Variants in TNS1 observed in about 807,000 individuals in gnomAD.
TNS1 encodes tensin 1, also known as tensin-1.
Under a neutral mutation model 168.6 loss-of-function variants are expected in TNS1, and 62 were observed. That is an observed-to-expected ratio of 0.37 (90% CI 0.30 to 0.45). The LOEUF (loss-of-function observed/expected upper bound fraction) is 0.45, where lower values mean the gene tolerates loss of function less well. Among genes scored for constraint, TNS1 ranks in the 20% least tolerant of loss-of-function variants. The pLI is 1.00. For synonymous variants in TNS1, 934 were observed against 933.2 expected (o/e 1.00, Z -0.02); for missense variants, 2,240 against 2,339.4 (o/e 0.96, Z 0.88).
chr2:217,992,361 A>G (rs562472112), intron 1 of TNS1: 1 of 152,170 alleles, frequency 6.6e-6, no homozygotes, highest in Non-Finnish European at 1.5e-5. Context: ...AGGTGGGAGG[A>G]AAATCCACTC....
rs750907005 is a variant in TNS1 at position 217,821,800 on chromosome 2, C to T, written c.3512G>A (p.Gly1171Asp). 1.9e-6 allele frequency: 3 copies of T among 1,543,248 alleles called. No individual in the cohort carries two copies. Among genetic ancestry groups the T allele is most frequent in the Non-Finnish European group, 2.6e-6 (3 of 1,147,494 alleles). The change falls in exon 23 of 33, where the codon GGT (glycine) becomes GAT (aspartate). Residue 1171 changes from glycine (G) to aspartate (D), a missense_variant. Gly to Asp is a moderately conservative substitution (Grantham distance 94). Transcript: ENST00000682258. ...HEIPLRNGTL[G>D]GSFVSPSPLS... ...GGGGCTGGGGGAGACAAAGGAGCCA[C>T]CCAGGGTCCCGTTCCTCAGGGGTAT...
intron 3 of TNS1, among the ~76,000 whole-genome samples, chr2:217,942,763 C>G (rs1003659470): frequency 1.4e-4 from 22 of 152,038 alleles, no homozygotes; most frequent in Non-Finnish European, 2.9e-5. Flanking sequence ...TATTCTCACC[C>G]CCACAACCGC....
intron 4 of TNS1, among the ~76,000 whole-genome samples, chr2:217,909,891 G>A (rs1954163246): frequency 6.6e-6 from 1 of 152,192 alleles, no homozygotes; most frequent in African/African-American, 2.4e-5. Context: ...CTCCTCAACA[G>A]GCCCGCACAG....
At chr2:217,871,705 C>A (rs1949789827) in intron 18 of TNS1, among the ~76,000 whole-genome samples, 1 of 152,282 alleles carries the variant, frequency 6.6e-6, no homozygotes, top group African/African-American at 2.4e-5. Context: ...AAATCTCTCA[C>A]TCTCAAACCT....
upstream of TNS1, among the ~76,000 whole-genome samples, chr2:218,012,739 G>A (rs1236401409): frequency 6.6e-6 from 1 of 152,134 alleles, no homozygotes; most frequent in East Asian, 1.9e-4. Context: ...CGTCACCAAG[G>A]GAGGTCAGAA....
intron 8 of TNS1, among the ~76,000 whole-genome samples, chr2:217,897,355 G>A (rs75559172): frequency 5.3e-5 from 8 of 152,274 alleles, no homozygotes; most frequent in South Asian, 2.1e-4. Context: ...CAGAGGCACC[G>A]ACCCTGTGCC....
At chr2:217,919,464 C>A (rs1955489152) in intron 4 of TNS1, among the ~76,000 whole-genome samples, 1 of 152,272 alleles carries the variant, frequency 6.6e-6, no homozygotes, top group African/African-American at 2.4e-5. Flanking sequence ...TGCAGGCAGC[C>A]CCCTTCCTTC....
intron 18 of TNS1, among the ~76,000 whole-genome samples, chr2:217,865,140 G>A (rs2125561711): frequency 6.6e-6 from 1 of 152,234 alleles, no homozygotes; most frequent in East Asian, 1.9e-4. Context: ...GTGACTATGA[G>A]TCAAGGGGTC....
rs3746 is a variant in TNS1, at chr2:217,799,872, G to A, written c.*4587C>T. 7.9e-5 allele frequency: 12 copies of A among 152,294 alleles called. No homozygotes were observed. The highest frequency in any genetic ancestry group is 4.1e-4 in the South Asian group (2 of 4,826). The allele number at this position is 152,294 out of a possible 1,614,324, so 9.4% of individuals were successfully genotyped here. On this transcript the variant is annotated 3_prime_UTR_variant, in exon 33 of 33. Coordinates refer to ENST00000682258, the MANE Select transcript of TNS1 (RefSeq NM_001387777.1). ...AGCAGCTGTACAGGAGTGGGGACGCGTCAGTGTACAATACATTCATGTCCA... is the reference window on the plus strand; with the variant it reads ...AGCAGCTGTACAGGAGTGGGGACGCATCAGTGTACAATACATTCATGTCCA...
At chr2:217,884,367 A>G (rs1190558762) in intron 16 of TNS1, among the ~76,000 whole-genome samples, 4 of 152,174 alleles carry the variant, frequency 2.6e-5, no homozygotes, top group Non-Finnish European at 5.9e-5. Flanking sequence ...GGATTGGTGG[A>G]TGGAGAGAGA....
chr2:217,917,064 T>A (rs1428496524), intron 4 of TNS1, among the ~76,000 whole-genome samples: 1 of 152,144 alleles, frequency 6.6e-6, no homozygotes, highest in Non-Finnish European at 1.5e-5. Context: ...AGGTGCTGAG[T>A]GCTCCTGGGG....
At chr2:217,956,474 C>T (rs11887740) in intron 3 of TNS1, among the ~76,000 whole-genome samples, 9,938 of 152,086 alleles carry the variant, frequency 0.065, 1,113 homozygotes, top group African/African-American at 0.23. Flanking sequence ...GGAGGGGGAT[C>T]TGAAACACCC....
At chr2:217,809,630 T>C (rs13428124) in intron 30 of TNS1, 193 bp downstream of exon 30, 106,978 of 253,388 alleles carry the variant, frequency 0.42, 31,713 homozygotes, top group African/African-American at 0.72. Context: ...GATGGGTGCA[T>C]GGATGGGTGC....
At chr2:217,906,471 T>A in intron 5 of TNS1, 86 bp from the exon 6 acceptor site, 2 of 694,944 alleles carry the variant, frequency 2.9e-6, no homozygotes, top group Non-Finnish European at 5.3e-6. Flanking sequence ...GAGCGGCAGA[T>A]GAGGAGGTTG....
At chr2:217,805,555 A>AC (rs1559132467) in intron 32 of TNS1, among the ~76,000 whole-genome samples, 20 of 974 alleles carry the variant, frequency 0.021, no homozygotes, top group South Asian at 0.062. Flanking sequence ...ACCACACACC[A>AC]CACACACCAC....
upstream of TNS1, among the ~76,000 whole-genome samples, chr2:218,013,842 G>A (rs1958732626): frequency 6.6e-6 from 1 of 152,126 alleles, no homozygotes; most frequent in South Asian, 2.1e-4. Context: ...TCTGAGTGCA[G>A]GCCAGGGAGG....
At chr2:218,011,585 G>A (rs1958706739), upstream of TNS1, among the ~76,000 whole-genome samples, 1 of 152,054 alleles carries the variant, frequency 6.6e-6, no homozygotes, top group African/African-American at 2.4e-5. Flanking sequence ...CTGCCTCCCT[G>A]TCCCCTTCCT....
chr2:217,841,923 A>G lies in TNS1; in HGVS notation c.3007+5587T>C, dbSNP rs73074359. ...CCTTAAGATGAACCTTCTCAGATGC[A>G]CTAGAAGGACCTGCTATGTTATCCT... On this transcript the variant is annotated intron_variant, in intron 19 of 32. Coordinates refer to ENST00000682258, the MANE Select transcript of TNS1 (RefSeq NM_001387777.1). 7.9e-3 allele frequency: 4,734 copies of G among 600,760 alleles called. 160 individuals carry two copies. Among genetic ancestry groups the G allele is most frequent in the African/African-American group, 0.078 (4,187 of 53,446 alleles). 37.2% of individuals were successfully genotyped at this position (600,760 alleles called of 1,614,324 possible).
rs1215944733 is a variant in TNS1, at chr2:218,028,436, G to A, written c.156+5384C>T. 2.0e-5 allele frequency among the ~76,000 whole-genome samples: 3 copies of A among 152,216 alleles called. No homozygotes were observed. In the East Asian group the frequency reaches 5.8e-4, roughly 29 times the overall value. ...TCTCCTGTCTGTGGGGTCTCTACCTGTCCACCTCTCACCATTCATCCAGCC... is the reference window on the plus strand; with the variant it reads ...TCTCCTGTCTGTGGGGTCTCTACCTATCCACCTCTCACCATTCATCCAGCC... On this transcript the variant is annotated intron_variant, in intron 1 of 1. Transcript: ENST00000649572.
Sources: gnomAD v4.1 joint callset for allele counts (sites outside exome capture counted in the v4.1 genomes callset) on GRCh38, gnomAD v4.1.1 for gene constraint, MANE v1.5 for transcripts, NCBI Gene and HGNC (gene_info 2026-07-23, HGNC 2026-07-21) for gene names.